Variants in DOCK10 observed in about 807,000 individuals in gnomAD.
DOCK10 encodes the protein dedicator of cytokinesis 10, also known as dedicator of cytokinesis protein 10.
In DOCK10, 145 loss-of-function variants were observed where a neutral mutation model predicts 280.1. The observed-to-expected ratio is 0.52, with a 90% confidence interval of 0.45 to 0.59. The LOEUF (loss-of-function observed/expected upper bound fraction) is 0.59. Ranked by LOEUF, DOCK10 falls within the 20% of genes least tolerant of loss-of-function variation. The pLI is 0.00. For missense variants in DOCK10, 2,368 were observed against 2,651.7 expected (o/e 0.89, Z 2.35); for synonymous variants, 915 against 942.2 (o/e 0.97, Z 0.53).
intron 2 of DOCK10, among the ~76,000 whole-genome samples, chr2:224,928,942 C>G (rs1377107833): frequency 6.6e-6 from 1 of 152,218 alleles, no homozygotes; most frequent in Non-Finnish European, 1.5e-5. Flanking sequence ...CTTATCCTGT[C>G]CAGCCATACC....
At chr2:224,920,302 G>T (rs1457309589) in intron 2 of DOCK10, among the ~76,000 whole-genome samples, 1 of 148,772 alleles carries the variant, frequency 6.7e-6, no homozygotes, top group Non-Finnish European at 1.5e-5. Context: ...TCCAGCTCCT[G>T]GACTCAAGTG....
intron 1 of DOCK10, among the ~76,000 whole-genome samples, chr2:224,991,206 T>A (rs1231035632): frequency 2.0e-5 from 3 of 152,048 alleles, no homozygotes; most frequent in Non-Finnish European, 4.4e-5. Context: ...GCTGCATACA[T>A]AGGGAAGGAA....
At chr2:224,956,422 G>A (rs754192242) in intron 1 of DOCK10, among the ~76,000 whole-genome samples, 1 of 151,968 alleles carries the variant, frequency 6.6e-6, no homozygotes, top group Non-Finnish European at 1.5e-5. Context: ...TCAGGAGTTC[G>A]AGACCAGATT....
At chr2:224,807,622 C>A in intron 33 of DOCK10, 46 bp downstream of exon 33, 1 of 1,319,920 alleles carries the variant, frequency 7.6e-7, no homozygotes, top group Non-Finnish European at 1.1e-6. Flanking sequence ...TAAAAAAAGA[C>A]AAATTCTTTA....
chr2:224,919,947 G>C (rs969692745), intron 2 of DOCK10, among the ~76,000 whole-genome samples: 7 of 152,154 alleles, frequency 4.6e-5, no homozygotes, highest in Non-Finnish European at 1.0e-4. Context: ...AGAGGCTGTG[G>C]CTACCAATTC....
chr2:224,777,081 C>T (rs1690923466), intron 51 of DOCK10, among the ~76,000 whole-genome samples: 2 of 152,204 alleles, frequency 1.3e-5, no homozygotes, highest in Admixed American at 6.5e-5. Context: ...TGGCATTCAG[C>T]AGGCATTTGA....
chr2:224,787,443 T>C, intron 48 of DOCK10, 46 bp from the exon 49 acceptor site: 4 of 1,606,372 alleles, frequency 2.5e-6, no homozygotes, highest in Non-Finnish European at 3.4e-6. Context: ...ATTAGGGTTG[T>C]GGCTCATGCC....
chr2:224,981,996 G>A (rs920811739), intron 1 of DOCK10, among the ~76,000 whole-genome samples: 19 of 152,170 alleles, frequency 1.2e-4, no homozygotes, highest in African/African-American at 4.6e-4. Context: ...CCGAGAAGCT[G>A]TACAGTTTCA....
At position 224,874,033 on chromosome 2, in the gene DOCK10, C is replaced by T. The variant is rs578072512; in HGVS notation, c.1220G>A (p.Gly407Glu). 4.3e-6 allele frequency: 7 copies of T among 1,613,326 alleles called. No homozygotes were observed. Among genetic ancestry groups the T allele is most frequent in the Admixed American group, 1.7e-5 (1 of 59,926 alleles). The change falls in exon 11 of 56, where the codon GGA (glycine) becomes GAA (glutamate). Residue 407 changes from glycine (G) to glutamate (E), a missense_variant. Physicochemically the swap from Gly to Glu is moderately conservative, Grantham distance 98 (BLOSUM62 -2). This residue lies in a region of DOCK10 where 1,209 missense variants were observed against 1,250.9 expected (regional missense o/e 0.97). Transcript: ENST00000258390. ...ATCATTTTCATTCTCCGTAACACAT[C>T]CCTGAAGATTTGAGTTGAGGGCTTT... ...ICKALNSNLQ[G>E]CVTENENDPI...
intron 31 of DOCK10, among the ~76,000 whole-genome samples, chr2:224,808,838 G>A (rs1693579161): frequency 6.6e-6 from 1 of 152,020 alleles, no homozygotes; most frequent in Non-Finnish European, 1.5e-5. Flanking sequence ...GAATTAGACT[G>A]TGGGGAGATG....
At chr2:224,840,754 C>T (rs1481924061) in intron 23 of DOCK10, among the ~76,000 whole-genome samples, 1 of 152,198 alleles carries the variant, frequency 6.6e-6, no homozygotes, top group African/African-American at 2.4e-5. Flanking sequence ...AGCAATCCCA[C>T]TACTGGATGT....
At chr2:224,793,345 A>T in intron 46 of DOCK10, 55 bp downstream of exon 46, 2 of 1,348,100 alleles carry the variant, frequency 1.5e-6, no homozygotes, top group Non-Finnish European at 1.0e-6. Context: ...TATTTCTATT[A>T]GGCTTCAATG....
intron 7 of DOCK10, 100 bp from the exon 8 acceptor site, chr2:224,876,321 T>C: frequency 9.6e-7 from 1 of 1,042,324 alleles, no homozygotes; most frequent in East Asian, 2.7e-5. Flanking sequence ...AGTCTTTCCA[T>C]ACAGATAGAT....
chr2:224,769,285 C>T lies in DOCK10; in HGVS notation c.6444+926G>A, dbSNP rs115614730. On this transcript the variant is annotated intron_variant, in intron 55 of 55. Coordinates refer to ENST00000258390, the MANE Select transcript of DOCK10 (RefSeq NM_014689.3). ...TCAGGATGGAAGAAGATGGAAAAACCGAAAAGAAGCAAGATGGGAAATGCA... is the reference window on the plus strand; with the variant it reads ...TCAGGATGGAAGAAGATGGAAAAACTGAAAAGAAGCAAGATGGGAAATGCA... Among the ~76,000 whole-genome samples the T allele has an allele frequency of 9.9e-3, 1,510 of 152,092 alleles. 22 individuals carry two copies. Among genetic ancestry groups the T allele is most frequent in the African/African-American group, 0.034 (1,422 of 41,472 alleles).
At chr2:224,987,361 G>A (rs778660462) in intron 1 of DOCK10, among the ~76,000 whole-genome samples, 3 of 152,192 alleles carry the variant, frequency 2.0e-5, no homozygotes, top group Non-Finnish European at 4.4e-5. Flanking sequence ...GGGCCCAAAA[G>A]GGGCTCCAAG....
At chr2:224,844,049 G>A (rs540430695) in intron 22 of DOCK10, among the ~76,000 whole-genome samples, 1 of 152,282 alleles carries the variant, frequency 6.6e-6, no homozygotes, top group East Asian at 1.9e-4. Flanking sequence ...CCAACCTCAT[G>A]GCCTTCCAAT....
At chr2:224,810,681 G>C (rs1693710040) in intron 31 of DOCK10, among the ~76,000 whole-genome samples, 1 of 126,406 alleles carries the variant, frequency 7.9e-6, no homozygotes, top group African/African-American at 3.1e-5. Context: ...TCCCCTTCCT[G>C]TGTCCATGTG....
chr2:225,022,658 T>C (rs1689813397), intron 1 of DOCK10, among the ~76,000 whole-genome samples: 2 of 152,220 alleles, frequency 1.3e-5, no homozygotes, highest in Admixed American at 6.5e-5. Context: ...GTGAAATTAC[T>C]ATCTGTCTTT....
At chr2:224,844,892 T>A in intron 21 of DOCK10, 53 bp from the exon 22 acceptor site, 1 of 1,245,908 alleles carries the variant, frequency 8.0e-7, no homozygotes, top group Non-Finnish European at 1.2e-6. Flanking sequence ...AGAAAGAAAA[T>A]AAATAGATTG....
Sources: allele counts gnomAD v4.1 joint callset (sites outside exome capture counted in the v4.1 genomes callset), GRCh38; gene constraint gnomAD v4.1.1; regional missense constraint gnomAD v4.1.1; transcripts MANE v1.5; gene names NCBI Gene and HGNC (gene_info 2026-07-23, HGNC 2026-07-21).